MSRA: variants seen among roughly 807,000 people sequenced by gnomAD.
MSRA encodes the protein methionine sulfoxide reductase A, also known as mitochondrial peptide methionine sulfoxide reductase.
In MSRA, 54 loss-of-function variants were observed where a neutral mutation model predicts 31.3. The observed-to-expected ratio is 1.73, with a 90% CI of 1.39 to 2.17. MSRA has a LOEUF of 2.17. Among genes scored for constraint, MSRA ranks in the 30% most tolerant of loss-of-function variants. MSRA has a pLI of 0.00. For synonymous variants in MSRA, 169 were observed against 116.5 expected (o/e 1.45, Z -2.90); for missense variants, 507 against 300.9 (o/e 1.69, Z -5.07).
intron 4 of MSRA, among the ~76,000 whole-genome samples, chr8:10,302,944 G>A (rs1001163320): frequency 2.0e-5 from 3 of 152,196 alleles, no homozygotes; most frequent in African/African-American, 7.2e-5. Flanking sequence ...GGGAAGGCAG[G>A]TCTGTGGGCC....
At chr8:10,260,949 A>G (rs889370162) in intron 3 of MSRA, among the ~76,000 whole-genome samples, 1 of 152,232 alleles carries the variant, frequency 6.6e-6, no homozygotes, top group Non-Finnish European at 1.5e-5. Context: ...CTGAATCTTT[A>G]GTCTAAGCAC....
Position 10,125,340 on chromosome 8 carries a change from C to G in MSRA, c.142+70682C>G, listed in dbSNP as rs1209609075. On this transcript the variant is annotated intron_variant, in intron 1 of 5. Coordinates refer to ENST00000317173, the MANE Select transcript of MSRA (RefSeq NM_012331.5). ...GTGGTGTGGTGGCACAGATCAAAATCTTGGTAGAAAAGTGAGCCCAGGTAG... is the reference window on the plus strand; with the variant it reads ...GTGGTGTGGTGGCACAGATCAAAATGTTGGTAGAAAAGTGAGCCCAGGTAG... 3.3e-5 allele frequency among the ~76,000 whole-genome samples: 5 copies of G among 152,298 alleles called. No individual in the cohort carries two copies. In the East Asian group the frequency reaches 9.6e-4, roughly 29 times the overall value.
intron 5 of MSRA, among the ~76,000 whole-genome samples, chr8:10,363,458 A>T (rs1380266265): frequency 6.6e-6 from 1 of 152,126 alleles, no homozygotes; most frequent in Admixed American, 6.5e-5. Flanking sequence ...GGAGCTAGGA[A>T]GTGGGAGTTC....
At chr8:10,118,486 C>A (rs1023281675) in intron 1 of MSRA, among the ~76,000 whole-genome samples, 1 of 152,136 alleles carries the variant, frequency 6.6e-6, no homozygotes, top group Admixed American at 6.5e-5. Flanking sequence ...TCTCTCCCCT[C>A]TTTAAAGACT....
chr8:10,302,018 C>T (rs1310462949), intron 4 of MSRA, among the ~76,000 whole-genome samples: 1 of 152,200 alleles, frequency 6.6e-6, no homozygotes, highest in Non-Finnish European at 1.5e-5. Context: ...CTTTATTTCT[C>T]TGAGTTTAGC....
chr8:10,362,394 C>T (rs1804900365), intron 5 of MSRA, among the ~76,000 whole-genome samples: 1 of 145,536 alleles, frequency 6.9e-6, no homozygotes, highest in South Asian at 2.2e-4. Context: ...GTTGAGGACA[C>T]GTTTCTTGAT....
chr8:10,194,301 T>G (rs892347833), intron 1 of MSRA, among the ~76,000 whole-genome samples: 1 of 152,212 alleles, frequency 6.6e-6, no homozygotes, highest in Non-Finnish European at 1.5e-5. Context: ...CCTCCATGGC[T>G]CCTGCCTGTA....
intron 1 of MSRA, among the ~76,000 whole-genome samples, chr8:10,193,824 A>T (rs1294046941): frequency 6.6e-6 from 1 of 152,176 alleles, no homozygotes; most frequent in Non-Finnish European, 1.5e-5. Flanking sequence ...CTTAGAAGAA[A>T]ATGTTAGAGT....
intron 3 of MSRA, among the ~76,000 whole-genome samples, chr8:10,285,011 C>A (rs1161931000): frequency 1.6e-5 from 2 of 124,598 alleles, no homozygotes; most frequent in Admixed American, 9.7e-5. Flanking sequence ...ACTTCCTCCC[C>A]AATCTTTTTT....
intron 5 of MSRA, among the ~76,000 whole-genome samples, chr8:10,410,241 C>T (rs563010253): frequency 3.9e-5 from 6 of 152,254 alleles, no homozygotes; most frequent in Admixed American, 1.3e-4. Context: ...CACCAACACT[C>T]TCGTATGGAA....
intron 5 of MSRA, among the ~76,000 whole-genome samples, chr8:10,324,549 G>A (rs1479881157): frequency 7.9e-5 from 12 of 152,140 alleles, no homozygotes; most frequent in Non-Finnish European, 2.9e-5. Flanking sequence ...TCCTTTTCAG[G>A]AACCAAAGTG....
chr8:10,081,905 T>C (rs1379823415), intron 1 of MSRA, among the ~76,000 whole-genome samples: 1 of 152,180 alleles, frequency 6.6e-6, no homozygotes, highest in African/African-American at 2.4e-5. Context: ...TTGTCTCATT[T>C]TCTATCAAAA....
At chr8:10,135,665 G>T (rs766237030) in intron 1 of MSRA, among the ~76,000 whole-genome samples, 1 of 152,146 alleles carries the variant, frequency 6.6e-6, no homozygotes, top group East Asian at 1.9e-4. Flanking sequence ...GTGCATTCGC[G>T]TGCCCCTATG....
rs114056888 is a variant in MSRA, at chr8:10,225,332, G to T, written c.211+17431G>T. The stretch of plus-strand genomic sequence containing the variant: ...TTTGTGCCTTTGTTTATGGGATAAG[G>T]TTTATCGCCTTGCATTATGATTAGA... On this transcript the variant is annotated intron_variant, in intron 2 of 5. Transcript: ENST00000317173. Among the ~76,000 whole-genome samples the T allele has an allele frequency of 9.9e-3, 1,510 of 152,150 alleles. 28 individuals are homozygous for T. Among genetic ancestry groups the T allele is most frequent in the African/African-American group, 0.035 (1,450 of 41,494 alleles).
chr8:10,380,750 A>G (rs1274394876), intron 5 of MSRA, among the ~76,000 whole-genome samples: 1 of 152,106 alleles, frequency 6.6e-6, no homozygotes, highest in Non-Finnish European at 1.5e-5. Flanking sequence ...AGGGAGATGC[A>G]TGGACACATG....
At chr8:10,093,914 C>G (rs1306716734) in intron 1 of MSRA, among the ~76,000 whole-genome samples, 2 of 152,180 alleles carry the variant, frequency 1.3e-5, no homozygotes, top group Non-Finnish European at 2.9e-5. Context: ...TTCCTTTCAG[C>G]TCTTTGACTA....
chr8:10,183,772 CTGGTGGTGG>C (rs144951163), intron 1 of MSRA, among the ~76,000 whole-genome samples: 34 of 141,892 alleles, frequency 2.4e-4, no homozygotes, highest in African/African-American at 5.4e-4. Flanking sequence ...ACAAGCTGAG[CTGGTGGTGG>C]TGGTGGTGGT....
At chr8:10,288,295 C>G (rs565405353) in intron 3 of MSRA, among the ~76,000 whole-genome samples, 1 of 152,246 alleles carries the variant, frequency 6.6e-6, no homozygotes, top group Admixed American at 6.5e-5. Flanking sequence ...GTTACTGTGG[C>G]CCTTTAGAAG....
intron 1 of MSRA, among the ~76,000 whole-genome samples, chr8:10,099,211 A>T (rs1001414503): frequency 6.6e-6 from 1 of 152,188 alleles, no homozygotes; most frequent in Non-Finnish European, 1.5e-5. Flanking sequence ...TGAAGAGGAG[A>T]TAAAAGTCAC....
Sources: allele counts gnomAD v4.1 joint callset (sites outside exome capture counted in the v4.1 genomes callset), GRCh38; gene constraint gnomAD v4.1.1; transcripts MANE v1.5; gene names NCBI Gene and HGNC (gene_info 2026-07-23, HGNC 2026-07-21).